Variants in NRXN3 observed in about 807,000 individuals in gnomAD.
The protein encoded by NRXN3 is neurexin III.
A neutral mutation model predicts 137.6 loss-of-function variants in NRXN3; 32 were observed. That is an observed-to-expected ratio of 0.23 (90% CI 0.18 to 0.31). The LOEUF (loss-of-function observed/expected upper bound fraction) is 0.31. NRXN3 is among the 10% of genes least tolerant of loss of function. The pLI is 1.00. For synonymous variants in NRXN3, 798 were observed against 784.5 expected, an observed-to-expected ratio of 1.02 and a Z score of -0.29; for missense variants, 1,574 against 2,062.5, an observed-to-expected ratio of 0.76 and a Z score of 4.59.
intron 4 of NRXN3, among the ~76,000 whole-genome samples, chr14:78,416,940 CAGA>C (rs2093172773): frequency 6.6e-6 from 1 of 152,188 alleles, no homozygotes; most frequent in South Asian, 2.1e-4. Flanking sequence ...TGTAATGAAA[CAGA>C]AGGACTTTAT....
At chr14:79,306,644 G>A (rs1489305665) in intron 15 of NRXN3, among the ~76,000 whole-genome samples, 2 of 152,082 alleles carry the variant, frequency 1.3e-5, no homozygotes, top group African/African-American at 4.8e-5. Context: ...AGCCCCTGCT[G>A]CCTGCTTTCT....
intron 10 of NRXN3, among the ~76,000 whole-genome samples, chr14:78,885,847 A>G (rs1247560956): frequency 1.3e-5 from 2 of 152,100 alleles, no homozygotes; most frequent in African/African-American, 4.8e-5. Flanking sequence ...CTAGCCCAAG[A>G]AAAGAGTTTA....
chr14:78,642,214 C>T (rs1019254423), intron 4 of NRXN3, among the ~76,000 whole-genome samples: 1 of 152,128 alleles, frequency 6.6e-6, no homozygotes, highest in Non-Finnish European at 1.5e-5. Context: ...AGACATGCCC[C>T]AAGCCCAGAG....
chr14:79,049,098 T>TAATTAATAATAATAC (rs1272827423), intron 15 of NRXN3, among the ~76,000 whole-genome samples: 5,321 of 101,972 alleles, frequency 0.052, 916 homozygotes, highest in African/African-American at 0.059. Flanking sequence ...AATAATAATA[T>TAATTAATAATAATAC]GATGGGGTGT....
In NRXN3 at chr14:79,774,229, G is replaced by C. The variant is rs182369158; in HGVS notation, c.4015-30883G>C. ...TTCCCAATATTGACTGGGGTTTGTT[G>C]AGTGTCTGTAATCCCACAGGTGGAT... On this transcript the variant is annotated intron_variant, in intron 19 of 20. Transcript: ENST00000335750. Among the ~76,000 whole-genome samples the C allele has an allele frequency of 1.9e-4, 29 of 152,246 alleles. No individual in the cohort carries two copies. In the East Asian group the frequency reaches 4.4e-3, roughly 23 times the overall value.
chr14:79,625,600 C>T (rs1234895218), intron 16 of NRXN3, among the ~76,000 whole-genome samples: 1 of 152,086 alleles, frequency 6.6e-6, no homozygotes, highest in Non-Finnish European at 1.5e-5. Context: ...GAACTTCACT[C>T]TATATTTTAT....
intron 1 of NRXN3, among the ~76,000 whole-genome samples, chr14:78,189,981 C>A (rs1056854513): frequency 6.6e-6 from 1 of 152,202 alleles, no homozygotes; most frequent in Non-Finnish European, 1.5e-5. Flanking sequence ...CACCATCTGA[C>A]GTGTTACACA....
At chr14:79,439,221 T>C (rs373323778) in intron 15 of NRXN3, among the ~76,000 whole-genome samples, 29 of 152,374 alleles carry the variant, frequency 1.9e-4, no homozygotes, top group African/African-American at 6.3e-4. Flanking sequence ...AATGGTTCAA[T>C]TGACATTGTA....
At chr14:79,094,975 A>AGTGTGTGTGTGTGT (rs71131675) in intron 15 of NRXN3, among the ~76,000 whole-genome samples, 5 of 88,720 alleles carry the variant, frequency 5.6e-5, no homozygotes, top group African/African-American at 1.4e-4. Flanking sequence ...AGAGAGAGAG[A>AGTGTGTGTGTGTGT]GAGAGTGTGT....
intron 16 of NRXN3, among the ~76,000 whole-genome samples, chr14:79,663,245 C>CGT (rs1433727577): frequency 2.7e-5 from 4 of 146,176 alleles, no homozygotes; most frequent in African/African-American, 1.1e-4. Context: ...TGTGTGTGTA[C>CGT]GCGTGTGTGT....
intron 4 of NRXN3, among the ~76,000 whole-genome samples, chr14:78,316,395 G>T (rs1240572956): frequency 6.6e-6 from 1 of 152,182 alleles, no homozygotes; most frequent in African/African-American, 2.4e-5. Context: ...AGGAATTAAA[G>T]ACCTATATAA....
chr14:79,702,247 A>G (rs542496354), intron 19 of NRXN3, among the ~76,000 whole-genome samples: 4 of 152,068 alleles, frequency 2.6e-5, no homozygotes, highest in Non-Finnish European at 4.4e-5. Context: ...CTTTGAAAAT[A>G]TGTTCTGTCT....
rs2099584282 is a variant in NRXN3, at chr14:79,018,942, T to A, written c.3262+30801T>A. On this transcript the variant is annotated intron_variant, in intron 15 of 20. Transcript: ENST00000335750. ...TTCCCTGCCTTTTCTCTACTTATTA[T>A]CCTTCTCTACTTATTCATCCTTCAA... 2.0e-5 allele frequency among the ~76,000 whole-genome samples: 3 copies of A among 152,220 alleles called. No individual in the cohort carries two copies. The South Asian group carries it at 6.2e-4, about 31-fold the overall frequency.
At chr14:79,838,109 G>T (rs1603618469) in intron 20 of NRXN3, among the ~76,000 whole-genome samples, 1 of 79,766 alleles carries the variant, frequency 1.3e-5, no homozygotes, top group African/African-American at 3.3e-5. Flanking sequence ...TCAGCTTTTT[G>T]AGGGACCCAA....
intron 19 of NRXN3, among the ~76,000 whole-genome samples, chr14:79,721,404 C>CA (rs983998600): frequency 5.3e-5 from 8 of 151,806 alleles, no homozygotes; most frequent in Non-Finnish European, 2.9e-5. Context: ...TATTTTCATG[C>CA]AAAAAAATCC....
At chr14:78,749,707 C>A (rs1219975437) in intron 8 of NRXN3, among the ~76,000 whole-genome samples, 2 of 152,174 alleles carry the variant, frequency 1.3e-5, no homozygotes, top group African/African-American at 4.8e-5. Context: ...AATGGGGAGG[C>A]AGAAACATCC....
intron 10 of NRXN3, among the ~76,000 whole-genome samples, chr14:78,894,351 A>G (rs1000653495): frequency 2.0e-5 from 3 of 151,966 alleles, no homozygotes; most frequent in Non-Finnish European, 2.9e-5. Context: ...CTTTACCAGG[A>G]GAAAATTCCA....
chr14:79,399,936 G>A (rs894746005), intron 15 of NRXN3, among the ~76,000 whole-genome samples: 2 of 152,094 alleles, frequency 1.3e-5, no homozygotes, highest in South Asian at 2.1e-4. Context: ...GCTTTTAGCA[G>A]CGTCACTCCA....
chr14:79,408,158 G>A (rs553681234), intron 15 of NRXN3, among the ~76,000 whole-genome samples: 6 of 152,230 alleles, frequency 3.9e-5, no homozygotes, highest in Non-Finnish European at 7.4e-5. Flanking sequence ...TGCCCGGCAT[G>A]TAAGGAGTGT....
Sources: allele counts gnomAD v4.1 joint callset (sites outside exome capture counted in the v4.1 genomes callset), GRCh38; gene constraint gnomAD v4.1.1; transcripts MANE v1.5; gene names NCBI Gene and HGNC (gene_info 2026-07-23, HGNC 2026-07-21).